PPP1R9A: variants seen among roughly 807,000 people sequenced by gnomAD.
PPP1R9A encodes neurabin-1.
In PPP1R9A, 59 loss-of-function variants were observed where a neutral mutation model predicts 141.9. The ratio of observed to expected loss-of-function variants is 0.42; its 90% confidence interval spans 0.34 to 0.52. The LOEUF is 0.52. Ranked by LOEUF, PPP1R9A falls within the 20% of genes least tolerant of loss-of-function variation. The pLI is 0.10. For synonymous variants in PPP1R9A, 500 were observed against 569.7 expected, an observed-to-expected ratio of 0.88 and a Z score of 1.74; for missense variants, 1,444 against 1,611.9, an observed-to-expected ratio of 0.90 and a Z score of 1.78.
chr7:95,041,565 C>T (rs774215019), intron 2 of PPP1R9A, among the ~76,000 whole-genome samples: 1 of 151,988 alleles, frequency 6.6e-6, no homozygotes, highest in African/African-American at 2.4e-5. Context: ...TTGTATTTAT[C>T]CAATTGTCAC....
At chr7:95,138,349 C>G (rs960159661) in intron 4 of PPP1R9A, among the ~76,000 whole-genome samples, 3 of 152,186 alleles carry the variant, frequency 2.0e-5, no homozygotes, top group African/African-American at 7.2e-5. Context: ...ACCACAAACC[C>G]TGTTTCACAC....
chr7:95,012,928 G>A (rs779959616), intron 2 of PPP1R9A, among the ~76,000 whole-genome samples: 17 of 152,050 alleles, frequency 1.1e-4, no homozygotes, highest in Non-Finnish European at 2.2e-4. Flanking sequence ...TGTAAAGAGG[G>A]GATTAATTTA....
chr7:95,188,743 C>T (rs868348761), intron 5 of PPP1R9A, among the ~76,000 whole-genome samples: 5 of 151,810 alleles, frequency 3.3e-5, no homozygotes, highest in South Asian at 4.1e-4. Context: ...GGATTACAGG[C>T]ACCTGCCACT....
intron 9 of PPP1R9A, among the ~76,000 whole-genome samples, chr7:95,248,196 A>ATATTTTTTTTTTTTTTTT (rs1389328637): frequency 6.7e-6 from 1 of 148,158 alleles, no homozygotes; most frequent in African/African-American, 2.5e-5. Context: ...TTAAAAATAT[A>ATATTTTTTTTTTTTTTTT]TTTTAAATTA....
intron 4 of PPP1R9A, among the ~76,000 whole-genome samples, chr7:95,141,981 T>G (rs1187264664): frequency 1.3e-5 from 2 of 152,162 alleles, no homozygotes; most frequent in Non-Finnish European, 2.9e-5. Context: ...TCATATTACC[T>G]ATTCACGAGC....
chr7:94,951,137 C>T (rs753619419), intron 2 of PPP1R9A, among the ~76,000 whole-genome samples: 3 of 151,928 alleles, frequency 2.0e-5, no homozygotes, highest in Admixed American at 6.6e-5. Flanking sequence ...CTGCAGATTT[C>T]AGATTTTCTA....
rs1801658141 is a variant in PPP1R9A, at chr7:95,268,584, G to T, written c.2700G>T (p.Leu900=). 1.9e-6 allele frequency: 3 copies of T among 1,613,230 alleles called. No individual in the cohort carries two copies. Among genetic ancestry groups the T allele is most frequent in the African/African-American group, 1.3e-5 (1 of 74,862 alleles). Reference sequence around the variant, plus strand: ...AAGCAGTCCCAGAGACAGAGCGCCTGGATTCAAAAGCACTGAAAACTCGAG... The same window carrying T: ...AAGCAGTCCCAGAGACAGAGCGCCTTGATTCAAAAGCACTGAAAACTCGAG... ...LNEAVPETER[L]DSKALKTRAQ... is the part of the protein sequence containing the mutation. Residue 900 remains leucine, a synonymous_variant, in exon 13 of 20, where the codon CTG becomes CTT. Coordinates refer to ENST00000433360, the MANE Select transcript of PPP1R9A (RefSeq NM_001166160.2).
chr7:94,971,351 G>C (rs1190276204), intron 2 of PPP1R9A, among the ~76,000 whole-genome samples: 1 of 152,176 alleles, frequency 6.6e-6, no homozygotes, highest in Admixed American at 6.5e-5. Flanking sequence ...ATCATTTCAT[G>C]CTTGAAATTT....
chr7:95,272,758 A>C (rs959089769), intron 14 of PPP1R9A, among the ~76,000 whole-genome samples: 1 of 152,164 alleles, frequency 6.6e-6, no homozygotes, highest in Non-Finnish European at 1.5e-5. Flanking sequence ...GTAAACAAAA[A>C]TCATGAGCAA....
At chr7:94,973,466 T>C (rs985472240) in intron 2 of PPP1R9A, among the ~76,000 whole-genome samples, 2 of 151,840 alleles carry the variant, frequency 1.3e-5, no homozygotes, top group African/African-American at 4.9e-5. Flanking sequence ...AAAGTGAACG[T>C]TATAGATTTT....
intron 2 of PPP1R9A, among the ~76,000 whole-genome samples, chr7:95,031,325 T>A (rs1484099860): frequency 1.3e-5 from 2 of 152,134 alleles, no homozygotes; most frequent in Non-Finnish European, 1.5e-5. Context: ...AAGCGTTACC[T>A]CTAATAAGTA....
chr7:95,010,678 GT>G, intron 2 of PPP1R9A, among the ~76,000 whole-genome samples: 1 of 151,956 alleles, frequency 6.6e-6, no homozygotes. Context: ...CCTTCAGGCA[GT>G]TTTTTTCCTT....
chr7:94,954,234 T>C (rs1382520262), intron 2 of PPP1R9A, among the ~76,000 whole-genome samples: 1 of 152,118 alleles, frequency 6.6e-6, no homozygotes, highest in Non-Finnish European at 1.5e-5. Context: ...TTTATATTTG[T>C]ATGTTTGTCA....
At chr7:95,054,732 C>T (rs1461767638) in intron 2 of PPP1R9A, among the ~76,000 whole-genome samples, 3 of 152,066 alleles carry the variant, frequency 2.0e-5, no homozygotes, top group African/African-American at 7.2e-5. Context: ...TGTACTTGCC[C>T]CCAGATGAGC....
intron 2 of PPP1R9A, among the ~76,000 whole-genome samples, chr7:95,031,865 A>C (rs1368244442): frequency 6.6e-6 from 1 of 152,186 alleles, no homozygotes; most frequent in Non-Finnish European, 1.5e-5. Context: ...GATAACCTTA[A>C]ATTATTTCAA....
chr7:95,274,657 CTGTCAACT>C (rs1802832073), intron 16 of PPP1R9A, among the ~76,000 whole-genome samples: 1 of 152,180 alleles, frequency 6.6e-6, no homozygotes, highest in Admixed American at 6.5e-5. Flanking sequence ...TTTGTGGGCA[CTGTCAACT>C]ATGCTTAGTC....
At chr7:95,188,107 T>G (rs895836919) in intron 5 of PPP1R9A, among the ~76,000 whole-genome samples, 1 of 152,204 alleles carries the variant, frequency 6.6e-6, no homozygotes, top group Non-Finnish European at 1.5e-5. Flanking sequence ...ATTATTGGGT[T>G]GCCATCTATC....
At chr7:94,940,345 C>G (rs1200354555) in intron 2 of PPP1R9A, among the ~76,000 whole-genome samples, 1 of 151,364 alleles carries the variant, frequency 6.6e-6, no homozygotes, top group Non-Finnish European at 1.5e-5. Context: ...TGTCCTTTTT[C>G]TTTTTCTTTT....
chr7:95,106,023 G>T (rs553421674), intron 2 of PPP1R9A, among the ~76,000 whole-genome samples: 2 of 152,150 alleles, frequency 1.3e-5, no homozygotes, highest in Non-Finnish European at 2.9e-5. Flanking sequence ...GGGAGACCAA[G>T]GTGGAAGGAT....
Sources: gnomAD v4.1 joint callset for allele counts (sites outside exome capture counted in the v4.1 genomes callset) on GRCh38, gnomAD v4.1.1 for gene constraint, MANE v1.5 for transcripts, NCBI Gene and HGNC (gene_info 2026-07-23, HGNC 2026-07-21) for gene names.